Variants in NETO2 observed in about 807,000 individuals in gnomAD.
NETO2 encodes the protein neuropilin and tolloid-like protein 2.
A neutral mutation model predicts 62.5 loss-of-function variants in NETO2; 28 were observed. The observed-to-expected ratio is 0.45, with a 90% CI of 0.33 to 0.61. NETO2 has a LOEUF of 0.61. Among genes scored for constraint, NETO2 ranks in the 20% least tolerant of loss-of-function variants. The probability of loss-of-function intolerance (pLI) is 0.02; values close to 1 mark genes in which losing one functional copy is unlikely to be tolerated. For missense variants in NETO2, 548 were observed against 643.2 expected (o/e 0.85, Z 1.60); for synonymous variants, 214 against 219.1 (o/e 0.98, Z 0.21).
Position 47,082,383 on chromosome 16 carries a change from G to T in NETO2, c.*838C>A, listed in dbSNP as rs1963083529. ...AAAGTGAATGAAATGATTCTTTACTGGAATGAATGGGCTGTCACTGAATGT... is the reference window on the plus strand; with the variant it reads ...AAAGTGAATGAAATGATTCTTTACTTGAATGAATGGGCTGTCACTGAATGT... On this transcript the variant is annotated 3_prime_UTR_variant, in exon 9 of 9. Coordinates refer to ENST00000562435, the MANE Select transcript of NETO2 (RefSeq NM_018092.5). 1 of 152,184 alleles carries T rather than the reference G, an allele frequency of 6.6e-6. No homozygotes were observed. The highest frequency in any genetic ancestry group is 1.5e-5 in the Non-Finnish European group (1 of 68,020). 9.4% of individuals were successfully genotyped at this position (152,184 alleles called of 1,614,324 possible).
At chr16:47,110,702 AATGAGT>A (rs1963778234) in intron 6 of NETO2, among the ~76,000 whole-genome samples, 1 of 152,186 alleles carries the variant, frequency 6.6e-6, no homozygotes, top group Non-Finnish European at 1.5e-5. Flanking sequence ...CAAGACATCT[AATGAGT>A]ATTCACTTCC....
rs772375791 is a variant in NETO2, at chr16:47,081,286, G to A, written c.*1935C>T. 7 of 151,990 alleles carry A rather than the reference G, an allele frequency of 4.6e-5. No homozygotes were observed. Among genetic ancestry groups the A allele is most frequent in the African/African-American group, 7.2e-5 (3 of 41,410 alleles). 9.4% of individuals were successfully genotyped at this position (151,990 alleles called of 1,614,324 possible). A position where few individuals can be genotyped will look rare whatever the true frequency, so the allele number is the denominator to read the frequency against. The stretch of plus-strand genomic sequence containing the variant: ...TATTATGCTGTTCAAATGTTAGCTG[G>A]TGTAAGTTACCTACTAAAATGCTTA... On this transcript the variant is annotated 3_prime_UTR_variant, in exon 9 of 9. Coordinates refer to ENST00000562435, the MANE Select transcript of NETO2 (RefSeq NM_018092.5).
intron 7 of NETO2, among the ~76,000 whole-genome samples, chr16:47,104,992 T>C (rs979831423): frequency 2.0e-5 from 3 of 152,052 alleles, no homozygotes; most frequent in African/African-American, 7.2e-5. Context: ...AGTGCTCGGA[T>C]AACAGGCATG....
rs142655008 is a variant in NETO2 at position 47,129,234 on chromosome 16, G to A, written c.222C>T (p.Tyr74=). The A allele has an allele frequency of 1.9e-4, 309 of 1,613,708 alleles. No homozygotes were observed. Among genetic ancestry groups the A allele is most frequent in the Non-Finnish European group, 2.6e-4 (301 of 1,179,834 alleles). The stretch of plus-strand genomic sequence containing the variant: ...AAATCGTTCAAATACCTTCCAAAAT[G>A]TAGATACACTCCTTGTTTGGTGGAT... The part of the protein sequence containing the change: ...DSYPPNKECI[Y]ILEAAPRQRI... Residue 74 remains tyrosine (Y), a synonymous_variant, in exon 3 of 9, where the codon TAC becomes TAT. Transcript: ENST00000562435.
intron 1 of NETO2, among the ~76,000 whole-genome samples, chr16:47,134,502 T>C (rs1964330773): frequency 6.6e-6 from 1 of 152,184 alleles, no homozygotes; most frequent in East Asian, 1.9e-4. Flanking sequence ...ATTTGATAAT[T>C]CAGCAAATAA....
At chr16:47,127,566 A>G (rs771364090) in intron 4 of NETO2, among the ~76,000 whole-genome samples, 22 of 152,236 alleles carry the variant, frequency 1.4e-4, no homozygotes, top group Non-Finnish European at 2.4e-4. Flanking sequence ...TGATGCAGCC[A>G]CAGCCCAGCA....
chr16:47,121,098 A>C (rs1964029622), intron 6 of NETO2, among the ~76,000 whole-genome samples: 1 of 152,114 alleles, frequency 6.6e-6, no homozygotes, highest in Admixed American at 6.5e-5. Context: ...CACATCTTTT[A>C]ATAGCCATAC....
intron 6 of NETO2, among the ~76,000 whole-genome samples, chr16:47,116,768 T>C (rs140713429): frequency 7.4e-4 from 113 of 152,300 alleles, no homozygotes; most frequent in African/African-American, 2.7e-3. Flanking sequence ...TTAGAAGGTG[T>C]TTACGAATTC....
At chr16:47,142,644 G>A (rs565048324) in intron 1 of NETO2, among the ~76,000 whole-genome samples, 1 of 152,276 alleles carries the variant, frequency 6.6e-6, no homozygotes, top group South Asian at 2.1e-4. Flanking sequence ...GGGAAAAAGG[G>A]AAGTCCTTTA....
chr16:47,116,734 C>G (rs1475618566), intron 6 of NETO2, among the ~76,000 whole-genome samples: 1 of 152,126 alleles, frequency 6.6e-6, no homozygotes, highest in Non-Finnish European at 1.5e-5. Context: ...CCAGCGAACC[C>G]ATCTAGGCCT....
chr16:47,122,257 T>C (rs1964054691), intron 6 of NETO2, among the ~76,000 whole-genome samples: 2 of 152,208 alleles, frequency 1.3e-5, no homozygotes, highest in South Asian at 4.1e-4. Context: ...GCTTTTAGAT[T>C]GCTACGACCA....
rs1321128536 is a variant in NETO2, at chr16:47,081,568, T to A, written c.*1653A>T. On this transcript the variant is annotated 3_prime_UTR_variant, in exon 9 of 9. Transcript: ENST00000562435. ...ATGTGTATTAAATTTAAGGTCACAA[T>A]TTTCACTAATCTGAGAAAACACATA... The A allele has an allele frequency of 1.3e-5, 2 of 152,542 alleles. No individual in the cohort carries two copies. Among genetic ancestry groups the A allele is most frequent in the African/African-American group, 4.8e-5 (2 of 41,450 alleles). The allele number at this position is 152,542 out of a possible 1,614,324, so 9.4% of individuals were successfully genotyped here.
chr16:47,112,016 G>GACTAAAACACTATTTGTATACTCTTAA (rs1466534729), intron 6 of NETO2, among the ~76,000 whole-genome samples: 1 of 152,086 alleles, frequency 6.6e-6, no homozygotes, highest in Non-Finnish European at 1.5e-5. Flanking sequence ...GATAAAAGTG[G>GACTAAAACACTATTTGTATACTCTTAA]ACTAAAACAC....
At chr16:47,097,885 G>T (rs1407119669) in intron 7 of NETO2, among the ~76,000 whole-genome samples, 2 of 152,174 alleles carry the variant, frequency 1.3e-5, no homozygotes. Flanking sequence ...GGCAAACAGG[G>T]TCTGGAGTGG....
At chr16:47,131,858 C>G (rs1964271956) in intron 2 of NETO2, 111 bp downstream of exon 2, 1 of 856,178 alleles carries the variant, frequency 1.2e-6, no homozygotes, top group Non-Finnish European at 2.0e-6. Context: ...CCTTAGGTCA[C>G]TGGAACACCC....
intron 6 of NETO2, among the ~76,000 whole-genome samples, chr16:47,110,809 C>T (rs1378961927): frequency 6.6e-6 from 1 of 151,630 alleles, no homozygotes; most frequent in African/African-American, 2.4e-5. Context: ...TATATTCCCC[C>T]CCCACCCCAC....
In NETO2 at chr16:47,080,915, A is replaced by G. The variant is rs1384660917; in HGVS notation, c.*2306T>C. On this transcript the variant is annotated 3_prime_UTR_variant, in exon 9 of 9. Transcript: ENST00000562435. ...TAAGTTTTTTTACTGTGAAAAGCAA[A>G]AAGTGTTTTAGCAGCCAGAAAATTC... 3.9e-5 allele frequency: 6 copies of G among 152,184 alleles called. No individual in the cohort carries two copies. Among genetic ancestry groups the G allele is most frequent in the Non-Finnish European group, 8.8e-5 (6 of 67,994 alleles). The allele number at this position is 152,184 out of a possible 1,614,324, so 9.4% of individuals were successfully genotyped here. A position where few individuals can be genotyped will look rare whatever the true frequency, so the allele number is the denominator to read the frequency against.
chr16:47,131,754 A>G (rs1425243015), intron 2 of NETO2, among the ~76,000 whole-genome samples: 2 of 152,206 alleles, frequency 1.3e-5, no homozygotes. Flanking sequence ...AGTGATGTCA[A>G]TTTTAAAAAT....
At chr16:47,116,958 T>C (rs1567392326) in intron 6 of NETO2, among the ~76,000 whole-genome samples, 1 of 152,198 alleles carries the variant, frequency 6.6e-6, no homozygotes, top group Non-Finnish European at 1.5e-5. Flanking sequence ...AGTGATAGAA[T>C]TCTCTCTTTC....
Sources: gnomAD v4.1 joint callset for allele counts (sites outside exome capture counted in the v4.1 genomes callset) on GRCh38, gnomAD v4.1.1 for gene constraint, MANE v1.5 for transcripts, NCBI Gene and HGNC (gene_info 2026-07-23, HGNC 2026-07-21) for gene names.